PPM1F: variants seen among roughly 807,000 people sequenced by gnomAD.
PPM1F encodes protein phosphatase, Mg2+/Mn2+ dependent 1F.
In PPM1F, 17 loss-of-function variants were observed where a neutral mutation model predicts 35.5. The observed-to-expected ratio is 0.48, with a 90% CI of 0.33 to 0.72. PPM1F has a LOEUF of 0.72. Ranked by LOEUF, PPM1F falls within the 30% of genes least tolerant of loss-of-function variation. The pLI is 0.02. For missense variants in PPM1F, 521 were observed against 613.0 expected (o/e 0.85, Z 1.59); for synonymous variants, 241 against 255.5 (o/e 0.94, Z 0.54).
At chr22:21,931,775 C>T (rs1014904902) in intron 5 of PPM1F, among the ~76,000 whole-genome samples, 21 of 151,996 alleles carry the variant, frequency 1.4e-4, no homozygotes, top group Non-Finnish European at 2.5e-4. Context: ...GCCTTGGCCT[C>T]CCAAAGTGCT....
At position 21,946,012 on chromosome 22, in the gene PPM1F, C is replaced by T; in HGVS notation, c.37G>A (p.Ala13Thr). The change falls in exon 2 of 8, where the codon GCC becomes ACC. Residue 13 changes from alanine (A) to threonine (T), a missense_variant. Ala to Thr is a moderately conservative substitution (Grantham distance 58). This residue lies in a region of PPM1F where 311 missense variants were observed against 351.5 expected (regional missense o/e 0.88). Coordinates refer to ENST00000263212, the MANE Select transcript of PPM1F (RefSeq NM_014634.4). ...CCTGGGGTCTCCTCAGCTCCACTGG[C>T]CATTGGGCTGCTCTTCTGTGGGGCT... ...SGAPQKSSPM[A>T]SGAEETPGFL... 4 of 1,585,696 alleles carry T rather than the reference C, an allele frequency of 2.5e-6. No individual in the cohort carries two copies. Among genetic ancestry groups the T allele is most frequent in the Non-Finnish European group, 2.6e-6 (3 of 1,164,652 alleles).
intron 1 of PPM1F, chr22:21,949,476 C>T (rs1007779903): frequency 1.3e-5 from 2 of 152,354 alleles, no homozygotes; most frequent in East Asian, 3.9e-4. Flanking sequence ...CAGAGGCAGC[C>T]CTGGGAGTGC....
At chr22:21,946,272 G>A in intron 1 of PPM1F, 164 bp from the exon 2 acceptor site, 1 of 412,454 alleles carries the variant, frequency 2.4e-6, no homozygotes, top group Non-Finnish European at 4.3e-6. Flanking sequence ...TCCAGGTGGG[G>A]ACTTGTGGGC....
chr22:21,931,012 A>G (rs2070582410), intron 6 of PPM1F, 136 bp downstream of exon 6: 22 of 1,406,486 alleles, frequency 1.6e-5, no homozygotes, highest in Non-Finnish European at 2.1e-5. Flanking sequence ...CACTCAAATC[A>G]GGCAGGGAGC....
chr22:21,933,274 C>T, intron 5 of PPM1F, 117 bp downstream of exon 5: 1 of 937,650 alleles, frequency 1.1e-6, no homozygotes, highest in African/African-American at 1.7e-5. Flanking sequence ...GGACCACCGG[C>T]AGTGTTTAGT....
chr22:21,922,998 C>G lies in PPM1F; in HGVS notation c.*94G>C. The stretch of plus-strand genomic sequence containing the variant: ...GGGAAAGCACTGTGGGGCGGGCACC[C>G]TGTCCACTGCCTGCCACCTGTTGGG... On this transcript the variant is annotated 3_prime_UTR_variant, in exon 8 of 8. Coordinates refer to ENST00000263212, the MANE Select transcript of PPM1F (RefSeq NM_014634.4). The G allele has an allele frequency of 2.0e-6, 3 of 1,477,864 alleles. No individual in the cohort carries two copies. The highest frequency in any genetic ancestry group is 2.7e-6 in the Non-Finnish European group (3 of 1,100,636). 91.5% of individuals were successfully genotyped at this position (1,477,864 alleles called of 1,614,324 possible).
intron 7 of PPM1F, among the ~76,000 whole-genome samples, chr22:21,923,674 C>T (rs927871590): frequency 1.3e-4 from 20 of 151,016 alleles, no homozygotes; most frequent in African/African-American, 4.8e-4. Flanking sequence ...GGCCTGTGAG[C>T]TCCCCCTTTT....
intron 6 of PPM1F, among the ~76,000 whole-genome samples, chr22:21,928,685 C>A (rs895371435): frequency 6.6e-6 from 1 of 152,224 alleles, no homozygotes; most frequent in African/African-American, 2.4e-5. Context: ...AGGGCTCAAG[C>A]CATCCTCCTG....
chr22:21,945,957 G>T lies in PPM1F; in HGVS notation c.92C>A (p.Pro31Gln). The change falls in exon 2 of 8, where the codon CCA (proline) becomes CAA (glutamine). Residue 31 changes from proline to glutamine, a missense_variant. Coordinates refer to ENST00000263212, the MANE Select transcript of PPM1F (RefSeq NM_014634.4). ...GFLDTLLQDF[P>Q]ALLNPEDPLP... ...AGGGTCCTCTGGGTTCAGCAGGGCT[G>T]GGAAGTCTTGCAGGAGCGTGTCCAG... 1.2e-5 allele frequency: 19 copies of T among 1,612,340 alleles called. No individual in the cohort carries two copies. Among genetic ancestry groups the T allele is most frequent in the Non-Finnish European group, 1.6e-5 (19 of 1,179,080 alleles).
In PPM1F at chr22:21,939,771, G is replaced by T. The variant is rs920866619; in HGVS notation, c.207-91C>A. On this transcript the variant is annotated intron_variant, in intron 2 of 7. Transcript: ENST00000263212. This position sits in a 1 kb window ranked among gnomAD's most constrained non-coding sequence, Gnocchi z 5.1. Reference sequence around the variant, plus strand: ...CCAACTGTCAGCCCACATGCTGAGGGGTCACGGCCAGCAGGGCGGCCCCTG... The same window carrying T: ...CCAACTGTCAGCCCACATGCTGAGGTGTCACGGCCAGCAGGGCGGCCCCTG... 2.0e-6 allele frequency: 3 copies of T among 1,465,702 alleles called. No homozygotes were observed. The highest frequency in any genetic ancestry group is 2.8e-6 in the Non-Finnish European group (3 of 1,084,154). 90.8% of individuals were successfully genotyped at this position (1,465,702 alleles called of 1,614,324 possible).
Position 21,946,120 on chromosome 22 carries a change from T to C in PPM1F, c.-60-12A>G, listed in dbSNP as rs1323872870. 7.6e-7 allele frequency: 1 copy of C among 1,318,118 alleles called. No individual in the cohort carries two copies. Among genetic ancestry groups the C allele is most frequent in the African/African-American group, 1.5e-5 (1 of 66,600 alleles). 81.7% of individuals were successfully genotyped at this position (1,318,118 alleles called of 1,614,324 possible). A position where few individuals can be genotyped will look rare whatever the true frequency, so the allele number is the denominator to read the frequency against. On this transcript the variant is annotated splice_polypyrimidine_tract_variant and intron_variant, in intron 1 of 7. Coordinates refer to ENST00000263212, the MANE Select transcript of PPM1F (RefSeq NM_014634.4). ...CTCCAGGCTTCACCCTGGGGAGAAA[T>C]GTCAGAGTCAGCAGAATCAGGGGGC...
At chr22:21,947,335 CCCTT>C (rs1489760480) in intron 1 of PPM1F, 3 of 152,498 alleles carry the variant, frequency 2.0e-5, no homozygotes, top group African/African-American at 7.2e-5. Context: ...CTCTCCTGCC[CCCTT>C]CCTCTCGGGT....
At chr22:21,933,629 C>T in intron 4 of PPM1F, 50 bp from the exon 5 acceptor site, 1 of 1,545,670 alleles carries the variant, frequency 6.5e-7, no homozygotes, top group South Asian at 1.2e-5. Context: ...CAGGGTGCTC[C>T]CAGTGGGGCG....
At chr22:21,923,918 G>C (rs1422600528) in intron 7 of PPM1F, among the ~76,000 whole-genome samples, 1 of 147,766 alleles carries the variant, frequency 6.8e-6, no homozygotes, top group Non-Finnish European at 1.5e-5. Flanking sequence ...TCGATCTCTT[G>C]ACCTTGTGAT....
At chr22:21,944,948 G>A (rs2070762345) in intron 2 of PPM1F, 1 of 152,302 alleles carries the variant, frequency 6.6e-6, no homozygotes, top group Non-Finnish European at 1.5e-5. Flanking sequence ...GACAGTGCCA[G>A]CTATCTCTCA....
intron 3 of PPM1F, chr22:21,934,433 C>A: frequency 1.8e-6 from 1 of 560,590 alleles, no homozygotes; most frequent in Non-Finnish European, 3.2e-6. Flanking sequence ...TTGAAGTCTC[C>A]CATCCCACCA....
At chr22:21,923,770 T>G (rs984609703) in intron 7 of PPM1F, among the ~76,000 whole-genome samples, 5 of 151,834 alleles carry the variant, frequency 3.3e-5, no homozygotes, top group Admixed American at 6.6e-5. Context: ...CTCTGCCTCC[T>G]GGGTTCAAGC....
Position 21,925,114 on chromosome 22 carries a change from C to T in PPM1F, c.985+455G>A, listed in dbSNP as rs577885620. 8 of 210,052 alleles carry T rather than the reference C, an allele frequency of 3.8e-5. No homozygotes were observed. The East Asian group carries it at 4.0e-4, about 11-fold the overall frequency. The allele number at this position is 210,052 out of a possible 1,614,324, so 13.0% of individuals were successfully genotyped here. A position where few individuals can be genotyped will look rare whatever the true frequency, so the allele number is the denominator to read the frequency against. On this transcript the variant is annotated intron_variant, in intron 7 of 7. Coordinates refer to ENST00000263212, the MANE Select transcript of PPM1F (RefSeq NM_014634.4). ...ACATGGGGTTTCATCAGGCTGGTCT[C>T]GAACTCCCGACCTCAGGTGATCCAC...
At chr22:21,946,231 G>A (rs2070776422) in intron 1 of PPM1F, 123 bp from the exon 2 acceptor site, 1 of 484,596 alleles carries the variant, frequency 2.1e-6, no homozygotes, top group Non-Finnish European at 3.6e-6. Context: ...AGAGGGTGGA[G>A]GGACAACCCT....
Sources: gnomAD v4.1 joint callset for allele counts (sites outside exome capture counted in the v4.1 genomes callset) on GRCh38, gnomAD v4.1.1 for gene constraint, gnomAD v4.1.1 regional missense constraint, Gnocchi (gnomAD v3.1) non-coding constraint, MANE v1.5 for transcripts, NCBI Gene and HGNC (gene_info 2026-07-23, HGNC 2026-07-21) for gene names.